Variants in FAM20C observed in about 807,000 individuals in gnomAD.
FAM20C encodes the protein extracellular serine/threonine protein kinase FAM20C.
In FAM20C, 40 loss-of-function variants were observed where a neutral mutation model predicts 51.5. The observed-to-expected ratio is 0.78, with a 90% confidence interval of 0.60 to 1.01. The LOEUF (loss-of-function observed/expected upper bound fraction) is 1.01, where lower values mean the gene tolerates loss of function less well. Among genes scored for constraint, FAM20C ranks in the 50% least tolerant of loss-of-function variants. The probability of loss-of-function intolerance (pLI) is 0.00; values close to 1 mark genes in which losing one functional copy is unlikely to be tolerated. For synonymous variants in FAM20C, 406 were observed against 380.6 expected (o/e 1.07, Z -0.78); for missense variants, 861 against 844.7 (o/e 1.02, Z -0.24).
At chr7:223,550 G>A (rs1787332503) in intron 3 of FAM20C, among the ~76,000 whole-genome samples, 3 of 152,200 alleles carry the variant, frequency 2.0e-5, no homozygotes. Context: ...GGCAGATGCC[G>A]TGGGGCGGAC....
chr7:200,631 C>T (rs1275514004), intron 2 of FAM20C, among the ~76,000 whole-genome samples: 3 of 152,202 alleles, frequency 2.0e-5, no homozygotes, highest in Non-Finnish European at 2.9e-5. Flanking sequence ...GGCAAGGCTG[C>T]AGTTTTCTTT....
chr7:213,440 C>T (rs961284612), intron 3 of FAM20C, among the ~76,000 whole-genome samples: 3 of 152,190 alleles, frequency 2.0e-5, no homozygotes, highest in Non-Finnish European at 2.9e-5. Context: ...CTCTGGAGTC[C>T]GGCATTGCAT....
intron 5 of FAM20C, among the ~76,000 whole-genome samples, chr7:249,788 C>G (rs1788324936): frequency 6.6e-6 from 1 of 152,288 alleles, no homozygotes; most frequent in East Asian, 1.9e-4. Flanking sequence ...CTGCCGAGGG[C>G]TCAGTCCTCC....
chr7:195,803 C>G, intron 2 of FAM20C, 71 bp downstream of exon 2: 1 of 1,414,560 alleles, frequency 7.1e-7, no homozygotes, highest in Non-Finnish European at 9.3e-7. Context: ...CTGGGGCAGG[C>G]TATGTGTTAG....
chr7:236,079 G>A (rs1390770078), intron 3 of FAM20C, among the ~76,000 whole-genome samples: 1 of 152,222 alleles, frequency 6.6e-6, no homozygotes, highest in Non-Finnish European at 1.5e-5. Context: ...GCTGCCAGGT[G>A]ACCGCTTCGG....
At chr7:234,284 G>T (rs1165964602) in intron 3 of FAM20C, among the ~76,000 whole-genome samples, 1 of 152,278 alleles carries the variant, frequency 6.6e-6, no homozygotes, top group Non-Finnish European at 1.5e-5. Context: ...TCTTTCCTCA[G>T]CTGGGCTTTT....
At chr7:236,847 G>A (rs1399295217) in intron 3 of FAM20C, among the ~76,000 whole-genome samples, 4 of 152,142 alleles carry the variant, frequency 2.6e-5, no homozygotes, top group African/African-American at 9.6e-5. Context: ...GAGGTGAGGC[G>A]GGTGCCCTGG....
chr7:250,688 C>G (rs945022821), intron 5 of FAM20C, among the ~76,000 whole-genome samples: 2 of 152,200 alleles, frequency 1.3e-5, no homozygotes, highest in African/African-American at 4.8e-5. Flanking sequence ...GTCCAGCCAC[C>G]GCCTCCTGCC....
chr7:228,584 C>G, intron 3 of FAM20C: 1 of 456,234 alleles, frequency 2.2e-6, no homozygotes, highest in South Asian at 1.5e-5. Flanking sequence ...CAGCTCTCCT[C>G]TGAGGGCAGC....
intron 3 of FAM20C, among the ~76,000 whole-genome samples, chr7:232,853 C>A (rs1038257023): frequency 1.3e-4 from 20 of 152,222 alleles, no homozygotes; most frequent in Non-Finnish European, 2.9e-4. Flanking sequence ...TTAAGGAGCC[C>A]TGGATTTCGG....
chr7:241,165 T>C (rs1164740964), intron 3 of FAM20C, among the ~76,000 whole-genome samples: 1 of 151,594 alleles, frequency 6.6e-6, no homozygotes, highest in African/African-American at 2.4e-5. Context: ...TTCCTCCTGC[T>C]GGGGTCACCT....
At position 200,785 on chromosome 7, in the gene FAM20C, G is replaced by A. The variant is rs180672410; in HGVS notation, c.784+5053G>A. Reference sequence around the variant, plus strand: ...CTTTGGGCAGTGCTGATGGGGCCTTGCCTGTCACTTGAGGCCTCCAGGAGA... The same window carrying A: ...CTTTGGGCAGTGCTGATGGGGCCTTACCTGTCACTTGAGGCCTCCAGGAGA... On this transcript the variant is annotated intron_variant, in intron 2 of 9. Coordinates refer to ENST00000313766, the MANE Select transcript of FAM20C (RefSeq NM_020223.4). 1.8e-4 allele frequency among the ~76,000 whole-genome samples: 28 copies of A among 152,306 alleles called. No individual in the cohort carries two copies. In the East Asian group the frequency reaches 3.5e-3, roughly 19 times the overall value.
intron 9 of FAM20C, among the ~76,000 whole-genome samples, chr7:259,139 A>G (rs1237446991): frequency 1.3e-5 from 2 of 152,198 alleles, no homozygotes; most frequent in African/African-American, 4.8e-5. Flanking sequence ...TTCTCTAAGG[A>G]GGCATCACAG....
intron 3 of FAM20C, among the ~76,000 whole-genome samples, chr7:219,373 C>T (rs908778607): frequency 1.3e-4 from 19 of 148,948 alleles, no homozygotes; most frequent in South Asian, 1.3e-3. Flanking sequence ...AGGACAGCAA[C>T]GCCCAGCCCA....
chr7:253,968 C>A (rs529450328), intron 5 of FAM20C, among the ~76,000 whole-genome samples: 1 of 152,210 alleles, frequency 6.6e-6, no homozygotes, highest in Non-Finnish European at 1.5e-5. Flanking sequence ...TGTGGGCTGC[C>A]GACTAATCTG....
Position 257,009 on chromosome 7 carries a change from C to T in FAM20C, c.1368C>T (p.Asn456=), listed in dbSNP as rs1302456796. The T allele has an allele frequency of 5.2e-6, 8 of 1,536,974 alleles. No homozygotes were observed. The highest frequency in any genetic ancestry group is 2.0e-5 in the Admixed American group (1 of 50,990). ...ACTTTCTGCCTCTCTCCGCAGGAAA[C>T]ATGGACCGTCACCACTACGAGACTT... The part of the protein sequence containing the change: ...DMTIFDFLMG[N]MDRHHYETFE... Residue 456 remains asparagine, a synonymous_variant, in exon 8 of 10, where the codon AAC becomes AAT. Coordinates refer to ENST00000313766, the MANE Select transcript of FAM20C (RefSeq NM_020223.4).
chr7:215,230 G>GA (rs986908511), intron 3 of FAM20C, among the ~76,000 whole-genome samples: 1 of 48,112 alleles, frequency 2.1e-5, no homozygotes, highest in Non-Finnish European at 4.8e-5. Flanking sequence ...GCTCCAGCTG[G>GA]GGGGGGGAGC....
At chr7:199,276 G>A (rs879308032) in intron 2 of FAM20C, among the ~76,000 whole-genome samples, 1 of 152,364 alleles carries the variant, frequency 6.6e-6, no homozygotes, top group Non-Finnish European at 1.5e-5. Flanking sequence ...GGCCCTTGGC[G>A]TGGCCAAGCC....
chr7:254,024 G>T (rs1038842451), intron 5 of FAM20C, among the ~76,000 whole-genome samples: 2 of 151,952 alleles, frequency 1.3e-5, no homozygotes, highest in South Asian at 4.2e-4. Context: ...TTGATCGTTC[G>T]TTCTTACAAT....
Sources: gnomAD v4.1 joint callset for allele counts (sites outside exome capture counted in the v4.1 genomes callset) on GRCh38, gnomAD v4.1.1 for gene constraint, MANE v1.5 for transcripts, NCBI Gene and HGNC (gene_info 2026-07-23, HGNC 2026-07-21) for gene names.